ZNF423: variants seen among roughly 807,000 people sequenced by gnomAD.
ZNF423 encodes the protein Ebf-associated zinc finger protein.
Under a neutral mutation model 95.8 loss-of-function variants are expected in ZNF423, and 12 were observed. That is an observed-to-expected ratio of 0.13 (90% CI 0.08 to 0.20). ZNF423 has a LOEUF of 0.20. Among genes scored for constraint, ZNF423 ranks in the 10% least tolerant of loss-of-function variants. ZNF423 has a pLI of 1.00. For missense variants in ZNF423, 1,316 were observed against 1,737.1 expected (o/e 0.76, Z 4.31); for synonymous variants, 749 against 711.9 (o/e 1.05, Z -0.83).
chr16:49,765,477 A>G (rs987360663), intron 2 of ZNF423, among the ~76,000 whole-genome samples: 40 of 152,226 alleles, frequency 2.6e-4, no homozygotes, highest in African/African-American at 8.9e-4. Flanking sequence ...TTGGGAGGCC[A>G]AGGCAGGAGG....
chr16:49,810,608 G>A (rs1442270188), intron 1 of ZNF423, among the ~76,000 whole-genome samples: 3 of 152,090 alleles, frequency 2.0e-5, no homozygotes, highest in African/African-American at 4.8e-5. Context: ...TCAGGGCCTC[G>A]TCTCCACAGA....
At chr16:49,533,110 C>T (rs76796131) in intron 5 of ZNF423, among the ~76,000 whole-genome samples, 4,427 of 152,332 alleles carry the variant, frequency 0.029, 88 homozygotes, top group Non-Finnish European at 0.043. Context: ...GGGACGGCCT[C>T]TGCGATCTGC....
At chr16:49,773,193 C>T in intron 2 of ZNF423, among the ~76,000 whole-genome samples, 1 of 152,118 alleles carries the variant, frequency 6.6e-6, no homozygotes, top group East Asian at 1.9e-4. Context: ...GTGGTGGGTG[C>T]CTGTAATCCC....
At chr16:49,758,753 T>A (rs1199421724) in intron 2 of ZNF423, among the ~76,000 whole-genome samples, 1 of 151,896 alleles carries the variant, frequency 6.6e-6, no homozygotes, top group Non-Finnish European at 1.5e-5. Flanking sequence ...AGTAAAATAA[T>A]CATCACTACA....
In ZNF423 at chr16:49,694,002, T is replaced by A. The variant is rs558213260; in HGVS notation, c.301+36769A>T. Among the ~76,000 whole-genome samples the A allele has an allele frequency of 2.6e-5, 4 of 152,324 alleles. No homozygotes were observed. In the East Asian group the frequency reaches 7.7e-4, roughly 29 times the overall value. ...GAGCAGGTCAGTAACTTAGTCAAGCTCATAGTCAGTGTCAATGCCAAGGCT... is the reference window on the plus strand; with the variant it reads ...GAGCAGGTCAGTAACTTAGTCAAGCACATAGTCAGTGTCAATGCCAAGGCT... On this transcript the variant is annotated intron_variant, in intron 3 of 7. Coordinates refer to ENST00000563137, the MANE Select transcript of ZNF423 (RefSeq NM_001379286.1).
At chr16:49,845,028 T>C (rs1597059070) in intron 1 of ZNF423, among the ~76,000 whole-genome samples, 2 of 70,714 alleles carry the variant, frequency 2.8e-5, no homozygotes, top group African/African-American at 6.2e-5. Flanking sequence ...AGAGCGAAAC[T>C]CCATCTCAAA....
rs2271063 is a variant in ZNF423 at position 49,789,328 on chromosome 16, G to A, written c.100+159C>T. Among the ~76,000 whole-genome samples the A allele has an allele frequency of 0.12, 18,170 of 152,178 alleles. 1,553 individuals are homozygous for A. Among genetic ancestry groups the A allele is most frequent in the Admixed American group, 0.25 (3,769 of 15,280 alleles). ...TGTAATAGATTTTATTGACCATATG[G>A]AACTGATATAAAAATCGTGTTGCAT... On this transcript the variant is annotated intron_variant, in intron 2 of 7. Coordinates refer to ENST00000563137, the MANE Select transcript of ZNF423 (RefSeq NM_001379286.1).
At chr16:49,662,061 A>G (rs1158163391) in intron 3 of ZNF423, among the ~76,000 whole-genome samples, 10 of 152,190 alleles carry the variant, frequency 6.6e-5, no homozygotes. Flanking sequence ...ACCGCTGGGC[A>G]GAGCCGTGGT....
At chr16:49,587,829 C>T (rs1415916163) in intron 5 of ZNF423, among the ~76,000 whole-genome samples, 3 of 152,110 alleles carry the variant, frequency 2.0e-5, no homozygotes, top group Admixed American at 6.5e-5. Context: ...AATTATCTTT[C>T]ACTGTTTCTT....
intron 3 of ZNF423, among the ~76,000 whole-genome samples, chr16:49,696,517 T>C (rs1040613529): frequency 6.6e-6 from 1 of 152,096 alleles, no homozygotes; most frequent in Non-Finnish European, 1.5e-5. Flanking sequence ...CTACCTCCAG[T>C]GGCTTTGGGA....
chr16:49,692,932 T>C (rs1029316474), intron 3 of ZNF423, among the ~76,000 whole-genome samples: 7 of 152,244 alleles, frequency 4.6e-5, no homozygotes, highest in African/African-American at 7.2e-5. Context: ...GCCAGGCACA[T>C]AGTAGGTGCT....
chr16:49,708,914 A>G (rs1164390931), intron 3 of ZNF423, among the ~76,000 whole-genome samples: 1 of 152,122 alleles, frequency 6.6e-6, no homozygotes, highest in African/African-American at 2.4e-5. Flanking sequence ...TAATAACCCC[A>G]TGAATGAATG....
At position 49,487,871 on chromosome 16, in the gene ZNF423, A is replaced by G. The variant is rs866044517; in HGVS notation, c.*3404T>C. ...CCCTGCCTCAGCAAGGCCTTCCTTA[A>G]TGCACCCCTGTGTCTCATACACGGG... On this transcript the variant is annotated 3_prime_UTR_variant, in exon 8 of 8. Coordinates refer to ENST00000563137, the MANE Select transcript of ZNF423 (RefSeq NM_001379286.1). The G allele has an allele frequency of 6.6e-6, 1 of 152,308 alleles. No homozygotes were observed. Among genetic ancestry groups the G allele is most frequent in the Non-Finnish European group, 1.5e-5 (1 of 68,040 alleles). 9.4% of individuals were successfully genotyped at this position (152,308 alleles called of 1,614,324 possible).
At chr16:49,608,535 CAGA>C (rs1443512950) in intron 5 of ZNF423, among the ~76,000 whole-genome samples, 1 of 152,144 alleles carries the variant, frequency 6.6e-6, no homozygotes, top group Non-Finnish European at 1.5e-5. Flanking sequence ...ATGAAAGAAA[CAGA>C]AGAAGATTCA....
chr16:49,555,421 T>C (rs1410059147), intron 5 of ZNF423, among the ~76,000 whole-genome samples: 2 of 152,262 alleles, frequency 1.3e-5, no homozygotes, highest in Non-Finnish European at 1.5e-5. Context: ...TTGTGTGTAG[T>C]ATCTTATTTA....
chr16:49,835,030 G>T (rs187968998), intron 1 of ZNF423, among the ~76,000 whole-genome samples: 2 of 152,060 alleles, frequency 1.3e-5, no homozygotes, highest in Non-Finnish European at 2.9e-5. Flanking sequence ...TGAGGCCTTG[G>T]GGGGAGTCTC....
At chr16:49,545,397 G>A (rs909827720) in intron 5 of ZNF423, among the ~76,000 whole-genome samples, 1 of 152,128 alleles carries the variant, frequency 6.6e-6, no homozygotes, top group Admixed American at 6.5e-5. Flanking sequence ...GCTTGACAAG[G>A]GCAGCCCCAT....
At chr16:49,854,747 C>A in intron 1 of ZNF423, 1 of 985,384 alleles carries the variant, frequency 1.0e-6, no homozygotes, top group Non-Finnish European at 1.2e-6. Flanking sequence ...GGCCTTTCCC[C>A]GGGGCCTCTA....
At chr16:49,730,485 G>T in intron 3 of ZNF423, 1 of 459,752 alleles carries the variant, frequency 2.2e-6, no homozygotes, top group South Asian at 2.9e-5. Context: ...AGAAATTCAG[G>T]GTGCACATCC....
Sources: gnomAD v4.1 joint callset for allele counts (sites outside exome capture counted in the v4.1 genomes callset) on GRCh38, gnomAD v4.1.1 for gene constraint, MANE v1.5 for transcripts, NCBI Gene and HGNC (gene_info 2026-07-23, HGNC 2026-07-21) for gene names.